EBF2: variants seen among roughly 807,000 people sequenced by gnomAD.
EBF2 encodes transcription factor COE2.
A neutral mutation model predicts 72.8 loss-of-function variants in EBF2; 21 were observed. The observed-to-expected ratio is 0.29, with a 90% CI of 0.20 to 0.42. EBF2 has a LOEUF of 0.42. EBF2 is among the 10% of genes least tolerant of loss of function. The probability of loss-of-function intolerance (pLI) is 1.00; values close to 1 mark genes in which losing one functional copy is unlikely to be tolerated. For synonymous variants in EBF2, 299 were observed against 274.2 expected (o/e 1.09, Z -0.89); for missense variants, 637 against 731.2 (o/e 0.87, Z 1.49).
chr8:26,040,828 C>G (rs1448688172), intron 3 of EBF2, 111 bp downstream of exon 3: 1 of 1,531,412 alleles, frequency 6.5e-7, no homozygotes, highest in Non-Finnish European at 8.9e-7. Flanking sequence ...GCAAGCCTCC[C>G]GCCGCCCTGG....
intron 6 of EBF2, among the ~76,000 whole-genome samples, chr8:25,999,641 T>TC (rs1462139082): frequency 1.3e-5 from 2 of 151,416 alleles, no homozygotes; most frequent in Non-Finnish European, 3.0e-5. Context: ...CTTTCCTCTT[T>TC]TTTTTTTTTT....
intron 6 of EBF2, among the ~76,000 whole-genome samples, chr8:25,953,636 A>G (rs774831446): frequency 1.6e-4 from 24 of 152,146 alleles, no homozygotes; most frequent in Non-Finnish European, 3.1e-4. Context: ...TCACCATCAG[A>G]GACAGTGTCA....
At chr8:26,011,601 T>C (rs1054921409) in intron 6 of EBF2, among the ~76,000 whole-genome samples, 5 of 152,032 alleles carry the variant, frequency 3.3e-5, no homozygotes, top group African/African-American at 1.2e-4. Flanking sequence ...AAAATGCGGA[T>C]CTGCTTCCCA....
chr8:25,877,700 G>A (rs1392042484), intron 10 of EBF2, among the ~76,000 whole-genome samples: 1 of 152,060 alleles, frequency 6.6e-6, no homozygotes, highest in Non-Finnish European at 1.5e-5. Context: ...GGTGGAAGGA[G>A]GAAAGGTTCT....
chr8:25,943,753 C>T (rs1803718590), intron 6 of EBF2, among the ~76,000 whole-genome samples: 1 of 152,158 alleles, frequency 6.6e-6, no homozygotes, highest in Non-Finnish European at 1.5e-5. Context: ...AAATACAGTT[C>T]TCCCCAGTAT....
chr8:26,016,589 G>A (rs538877970), intron 6 of EBF2, among the ~76,000 whole-genome samples: 55 of 152,332 alleles, frequency 3.6e-4, no homozygotes, highest in African/African-American at 1.3e-3. Flanking sequence ...GGAGGCATGG[G>A]TGAGATTTCA....
At chr8:25,970,896 G>A (rs1032860566) in intron 6 of EBF2, among the ~76,000 whole-genome samples, 3 of 152,068 alleles carry the variant, frequency 2.0e-5, no homozygotes, top group African/African-American at 7.3e-5. Context: ...GCAGTGGCGC[G>A]ATCACAGCTC....
At chr8:25,917,590 T>C (rs1358563390) in intron 6 of EBF2, among the ~76,000 whole-genome samples, 3 of 152,174 alleles carry the variant, frequency 2.0e-5, no homozygotes, top group Admixed American at 2.0e-4. Flanking sequence ...TATTATGGAC[T>C]TCCTTGAGAA....
chr8:25,976,930 C>G (rs781191929), intron 6 of EBF2, among the ~76,000 whole-genome samples: 2 of 152,210 alleles, frequency 1.3e-5, no homozygotes, highest in Non-Finnish European at 2.9e-5. Context: ...CTGTGCACCT[C>G]CTTTTAAACT....
At chr8:25,891,454 C>A (rs1802778721) in intron 7 of EBF2, among the ~76,000 whole-genome samples, 1 of 152,070 alleles carries the variant, frequency 6.6e-6, no homozygotes, top group African/African-American at 2.4e-5. Context: ...TAAATAGGTA[C>A]AAAATGAAGA....
At chr8:25,993,790 T>C (rs116854643) in intron 6 of EBF2, among the ~76,000 whole-genome samples, 145 of 151,056 alleles carry the variant, frequency 9.6e-4, no homozygotes, top group Non-Finnish European at 1.8e-3. Context: ...TAAATGTCCA[T>C]TATGTCTTTT....
intron 7 of EBF2, among the ~76,000 whole-genome samples, chr8:25,905,494 AG>A: frequency 6.6e-6 from 1 of 151,676 alleles, no homozygotes; most frequent in Non-Finnish European, 1.5e-5. Context: ...ACAATGGAAT[AG>A]TCAAGCTGTA....
At chr8:25,964,190 C>T (rs191157869) in intron 6 of EBF2, among the ~76,000 whole-genome samples, 156 of 152,238 alleles carry the variant, frequency 1.0e-3, no homozygotes, top group Non-Finnish European at 2.0e-3. Flanking sequence ...GAATATCATA[C>T]TCAAACAATC....
chr8:26,028,511 G>A (rs571336243), intron 6 of EBF2, among the ~76,000 whole-genome samples: 23 of 152,254 alleles, frequency 1.5e-4, no homozygotes, highest in African/African-American at 5.5e-4. Flanking sequence ...GGCTGACAAG[G>A]ACAGGAACAA....
Position 25,916,801 on chromosome 8 carries a change from T to C in EBF2, c.552-8246A>G, listed in dbSNP as rs193220929. 5.9e-3 allele frequency among the ~76,000 whole-genome samples: 893 copies of C among 152,300 alleles called. 8 individuals carry two copies. Among genetic ancestry groups the C allele is most frequent in the African/African-American group, 0.02 (845 of 41,564 alleles). On this transcript the variant is annotated intron_variant, in intron 6 of 15. Transcript: ENST00000520164. ...GCTACCCACACAATATGCTGGCTTC[T>C]GACTGGCAACAGGCCCCATCGAGTC...
intron 10 of EBF2, among the ~76,000 whole-genome samples, chr8:25,880,746 C>T (rs764897201): frequency 1.3e-5 from 2 of 152,108 alleles, no homozygotes; most frequent in African/African-American, 2.4e-5. Context: ...GTAAAGTTTT[C>T]CCAAACATTT....
intron 6 of EBF2, among the ~76,000 whole-genome samples, chr8:25,991,567 C>A (rs964429722): frequency 6.6e-6 from 1 of 152,120 alleles, no homozygotes; most frequent in Non-Finnish European, 1.5e-5. Flanking sequence ...AGAGGACTGC[C>A]GGGTGCAGTG....
chr8:25,862,374 G>A (rs916010147), intron 11 of EBF2, among the ~76,000 whole-genome samples: 1 of 152,010 alleles, frequency 6.6e-6, no homozygotes, highest in African/African-American at 2.4e-5. Context: ...TTGCAATTAT[G>A]GTTAAATAGA....
chr8:25,923,580 G>GT (rs202213344), intron 6 of EBF2, among the ~76,000 whole-genome samples: 1,769 of 151,974 alleles, frequency 0.012, 36 homozygotes, highest in African/African-American at 0.039. Context: ...TTCAAGTTTT[G>GT]TTTTTTTTGT....
Sources: gnomAD v4.1 joint callset for allele counts (sites outside exome capture counted in the v4.1 genomes callset) on GRCh38, gnomAD v4.1.1 for gene constraint, MANE v1.5 for transcripts, NCBI Gene and HGNC (gene_info 2026-07-23, HGNC 2026-07-21) for gene names.